CXXC4: variants seen among roughly 807,000 people sequenced by gnomAD.
The protein encoded by CXXC4 is CXXC finger protein 4, also known as CXXC-type zinc finger protein 4.
In CXXC4, 5 loss-of-function variants were observed where a neutral mutation model predicts 20.5. The ratio of observed to expected loss-of-function variants is 0.24; its 90% CI spans 0.13 to 0.51. The LOEUF is 0.51. Among genes scored for constraint, CXXC4 ranks in the 20% least tolerant of loss-of-function variants. The pLI is 0.97. For missense variants in CXXC4, 419 were observed against 496.4 expected (o/e 0.84, Z 1.48); for synonymous variants, 250 against 216.4 (o/e 1.16, Z -1.36).
intron 2 of CXXC4, among the ~76,000 whole-genome samples, chr4:104,488,920 G>A (rs1578322046): frequency 6.6e-6 from 1 of 152,118 alleles, no homozygotes; most frequent in Non-Finnish European, 1.5e-5. Flanking sequence ...AGGCCTAACA[G>A]CAGAACCAAA....
rs1245795637 is a variant in CXXC4 at position 104,468,608 on chromosome 4, T to C, written c.*3714A>G. On this transcript the variant is annotated 3_prime_UTR_variant, in exon 3 of 3. Coordinates refer to ENST00000394767, the MANE Select transcript of CXXC4 (RefSeq NM_025212.4). ...GTGGCCCATGTTCCTGAAATATCTG[T>C]TTTGCAATTGTGAAAATGGAATCCC... is the stretch of plus-strand genomic sequence containing the variant. The C allele has an allele frequency of 1.3e-5, 2 of 151,832 alleles. No individual in the cohort carries two copies. Among genetic ancestry groups the C allele is most frequent in the African/African-American group, 4.8e-5 (2 of 41,362 alleles). The allele number at this position is 151,832 out of a possible 1,614,324, so 9.4% of individuals were successfully genotyped here.
At chr4:104,478,552 A>G (rs1200984864) in intron 2 of CXXC4, among the ~76,000 whole-genome samples, 1 of 152,154 alleles carries the variant, frequency 6.6e-6, no homozygotes, top group Non-Finnish European at 1.5e-5. Context: ...TGATAATGCT[A>G]TGCGTATATA....
chr4:104,486,133 C>T (rs1736686565), intron 2 of CXXC4, among the ~76,000 whole-genome samples: 2 of 151,926 alleles, frequency 1.3e-5, no homozygotes, highest in Non-Finnish European at 2.9e-5. Context: ...TTCCTAATTG[C>T]CATCTAAAAC....
chr4:104,488,083 A>G (rs143101562), intron 2 of CXXC4, among the ~76,000 whole-genome samples: 1 of 152,320 alleles, frequency 6.6e-6, no homozygotes, highest in East Asian at 1.9e-4. Flanking sequence ...AATATATGTT[A>G]TTATTATGAT....
Position 104,491,882 on chromosome 4 carries a change from TGG to T in CXXC4, c.-82_-81del. The T allele has an allele frequency of 2.6e-5, 1 of 37,930 alleles. No individual in the cohort carries two copies. The highest frequency in any genetic ancestry group is 3.7e-5 in the Non-Finnish European group (1 of 26,676). 2.3% of individuals were successfully genotyped at this position (37,930 alleles called of 1,614,324 possible). ...CACCTGGGTGGAAAAGGGGGAAAGG[TGG>T]GGGGGAGGGAAGGGAGTGATGGTGG... is the stretch of plus-strand genomic sequence containing the variant. On this transcript the variant is annotated 5_prime_UTR_variant, in exon 2 of 3. Transcript: ENST00000394767.
At position 104,491,365 on chromosome 4, in the gene CXXC4, G is replaced by A. The variant is rs1420453211; in HGVS notation, c.438C>T (p.Ala146=). The change falls in exon 2 of 3, where the codon GCC becomes GCT. Residue 146 remains alanine, a synonymous_variant. Transcript: ENST00000394767. ...CGGGGAGGATCGCCGAGGAGGAGGAGGCGGAGGAGGAGGCGGCGGCGGAGG... is the reference window on the plus strand; with the variant it reads ...CGGGGAGGATCGCCGAGGAGGAGGAAGCGGAGGAGGAGGCGGCGGCGGAGG... The part of the protein sequence containing the change: ...KSSSAAASSS[A]SSSSAILPAG... 2 of 1,440,534 alleles carry A rather than the reference G, an allele frequency of 1.4e-6. No individual in the cohort carries two copies. The highest frequency in any genetic ancestry group is 1.8e-6 in the Non-Finnish European group (2 of 1,099,910). The allele number at this position is 1,440,534 out of a possible 1,614,324, so 89.2% of individuals were successfully genotyped here. A position where few individuals can be genotyped will look rare whatever the true frequency, so the allele number is the denominator to read the frequency against.
At chr4:104,482,335 A>G (rs374288036) in intron 2 of CXXC4, among the ~76,000 whole-genome samples, 2 of 152,300 alleles carry the variant, frequency 1.3e-5, no homozygotes, top group African/African-American at 4.8e-5. Flanking sequence ...ATTTAACTCT[A>G]CATATAGCAG....
Position 104,491,047 on chromosome 4 carries a change from G to T in CXXC4, c.756C>A (p.Ile252=). Residue 252 remains isoleucine, a synonymous_variant, in exon 2 of 3, where the codon ATC becomes ATA. Coordinates refer to ENST00000394767, the MANE Select transcript of CXXC4 (RefSeq NM_025212.4). ...CGGGGGAGTGAAGGGCTGTCATGAC[G>T]ATGACCCCTGGAGGTAATGAGATGC... is the stretch of plus-strand genomic sequence containing the variant. ...LGGISLPPGV[I]VMTALHSPAA... 2 of 1,614,052 alleles carry T rather than the reference G, an allele frequency of 1.2e-6. No homozygotes were observed. The highest frequency in any genetic ancestry group is 1.7e-6 in the Non-Finnish European group (2 of 1,180,014).
At chr4:104,494,569 T>G (rs1578326468) in intron 1 of CXXC4, 132 bp downstream of exon 1, 1 of 150,474 alleles carries the variant, frequency 6.6e-6, no homozygotes, top group South Asian at 2.1e-4. Context: ...TTTAATTAGT[T>G]GCACATCACC....
At position 104,491,822 on chromosome 4, in the gene CXXC4, G is replaced by A; in HGVS notation, c.-20C>T. 7.4e-7 allele frequency: 1 copy of A among 1,350,086 alleles called. No homozygotes were observed. The highest frequency in any genetic ancestry group is 9.6e-7 in the Non-Finnish European group (1 of 1,042,420). The allele number at this position is 1,350,086 out of a possible 1,614,324, so 83.6% of individuals were successfully genotyped here. On this transcript the variant is annotated 5_prime_UTR_variant, in exon 2 of 3. Coordinates refer to ENST00000394767, the MANE Select transcript of CXXC4 (RefSeq NM_025212.4). ...GTTCATGGTGCAGGGGGGGAAGAAG[G>A]GGTGCAGGGTGGAAGTGGGGACCGC... is the stretch of plus-strand genomic sequence containing the variant.
rs1156393309 is a variant in CXXC4, at chr4:104,472,297, C to T, written c.*25G>A. 1 of 1,542,592 alleles carries T rather than the reference C, an allele frequency of 6.5e-7. No individual in the cohort carries two copies. Among genetic ancestry groups the T allele is most frequent in the South Asian group, 1.2e-5 (1 of 82,930 alleles). On this transcript the variant is annotated 3_prime_UTR_variant, in exon 3 of 3. Coordinates refer to ENST00000394767, the MANE Select transcript of CXXC4 (RefSeq NM_025212.4). ...TAGTTTGCCCTTCATTTCCAAATGC[C>T]TTGAAAATAAGATATACTACTGCTT... is the stretch of plus-strand genomic sequence containing the variant.
At chr4:104,483,531 T>C (rs1736607038) in intron 2 of CXXC4, among the ~76,000 whole-genome samples, 1 of 151,978 alleles carries the variant, frequency 6.6e-6, no homozygotes, top group Non-Finnish European at 1.5e-5. Flanking sequence ...TTCATGTAGC[T>C]ACTTCACTTT....
At chr4:104,484,024 T>C (rs1205623334) in intron 2 of CXXC4, among the ~76,000 whole-genome samples, 11 of 151,978 alleles carry the variant, frequency 7.2e-5, no homozygotes, top group Admixed American at 7.2e-4. Context: ...AACTGGGTAA[T>C]TAAAACAAAT....
chr4:104,491,069 A>G lies in CXXC4; in HGVS notation c.734T>C (p.Ile245Thr). ...TFSAIPALGGISLPPGVIVMT... is the reference protein window; with the variant it reads ...TFSAIPALGGTSLPPGVIVMT... ...GACGATGACCCCTGGAGGTAATGAG[A>G]TGCCCCCTAAAGCCGGGATAGCGGA... The change falls in exon 2 of 3, where the codon ATC (isoleucine) becomes ACC (threonine). Residue 245 changes from isoleucine (I) to threonine (T), a missense_variant. This residue lies in a region of CXXC4 where 388 missense variants were observed against 416.0 expected (regional missense o/e 0.93). Transcript: ENST00000394767. 1 of 1,613,928 alleles carries G rather than the reference A, an allele frequency of 6.2e-7. No individual in the cohort carries two copies. The highest frequency in any genetic ancestry group is 8.5e-7 in the Non-Finnish European group (1 of 1,179,964).
chr4:104,469,881 A>C lies in CXXC4; in HGVS notation c.*2441T>G, dbSNP rs1320884046. ...TGACATGTAAAACACCACAGTTTAC[A>C]ATATACAGATTCATTAGTTCTTTTA... On this transcript the variant is annotated 3_prime_UTR_variant, in exon 3 of 3. Coordinates refer to ENST00000394767, the MANE Select transcript of CXXC4 (RefSeq NM_025212.4). 2.0e-5 allele frequency: 3 copies of C among 152,110 alleles called. No individual in the cohort carries two copies. The highest frequency in any genetic ancestry group is 7.2e-5 in the African/African-American group (3 of 41,456). 9.4% of individuals were successfully genotyped at this position (152,110 alleles called of 1,614,324 possible). A position where few individuals can be genotyped will look rare whatever the true frequency, so the allele number is the denominator to read the frequency against.
chr4:104,485,921 C>A (rs1736681340), intron 2 of CXXC4, among the ~76,000 whole-genome samples: 2 of 152,076 alleles, frequency 1.3e-5, no homozygotes, highest in Middle Eastern at 6.8e-3. Context: ...CTTCAGTAAT[C>A]AATTATTTAA....
chr4:104,472,032 C>T lies in CXXC4; in HGVS notation c.*290G>A, dbSNP rs1736288591. 2 of 259,444 alleles carry T rather than the reference C, an allele frequency of 7.7e-6. No individual in the cohort carries two copies. The highest frequency in any genetic ancestry group is 1.4e-5 in the Non-Finnish European group (2 of 138,564). 16.1% of individuals were successfully genotyped at this position (259,444 alleles called of 1,614,324 possible). A position where few individuals can be genotyped will look rare whatever the true frequency, so the allele number is the denominator to read the frequency against. On this transcript the variant is annotated 3_prime_UTR_variant, in exon 3 of 3. Coordinates refer to ENST00000394767, the MANE Select transcript of CXXC4 (RefSeq NM_025212.4). ...GGGGTTTACCCAAACTTATTTTTTA[C>T]AGCCACTTTCAAAATAGACAACAAC...
intron 2 of CXXC4, among the ~76,000 whole-genome samples, 188 bp downstream of exon 2, chr4:104,490,556 C>A (rs1736818121): frequency 6.6e-6 from 1 of 152,204 alleles, no homozygotes; most frequent in African/African-American, 2.4e-5. Flanking sequence ...GGCGGTGTCA[C>A]GTGAAGTGCA....
intron 2 of CXXC4, among the ~76,000 whole-genome samples, chr4:104,489,063 C>A (rs1387304555): frequency 6.6e-6 from 1 of 152,112 alleles, no homozygotes; most frequent in Non-Finnish European, 1.5e-5. Context: ...ATAAATTAAT[C>A]CGGCAAAGAA....
Sources: gnomAD v4.1 joint callset for allele counts (sites outside exome capture counted in the v4.1 genomes callset) on GRCh38, gnomAD v4.1.1 for gene constraint, gnomAD v4.1.1 regional missense constraint, MANE v1.5 for transcripts, NCBI Gene and HGNC (gene_info 2026-07-23, HGNC 2026-07-21) for gene names.